SH3RF1: variants seen among roughly 807,000 people sequenced by gnomAD.
SH3RF1 encodes the protein SH3 domain containing ring finger 1.
Under a neutral mutation model 74.0 loss-of-function variants are expected in SH3RF1, and 32 were observed. The observed-to-expected ratio is 0.43, with a 90% confidence interval of 0.33 to 0.58. The LOEUF (loss-of-function observed/expected upper bound fraction) is 0.58, where lower values mean the gene tolerates loss of function less well. Among genes scored for constraint, SH3RF1 ranks in the 20% least tolerant of loss-of-function variants. SH3RF1 has a pLI of 0.05. For missense variants in SH3RF1, 954 were observed against 1,130.9 expected, an observed-to-expected ratio of 0.84 and a Z score of 2.24; for synonymous variants, 396 against 439.6, an observed-to-expected ratio of 0.90 and a Z score of 1.24.
chr4:169,225,712 T>G (rs946406763), intron 2 of SH3RF1, among the ~76,000 whole-genome samples: 3 of 152,038 alleles, frequency 2.0e-5, no homozygotes, highest in Admixed American at 2.0e-4. Context: ...AAAAGGAAAG[T>G]GATAAAAGTG....
intron 2 of SH3RF1, among the ~76,000 whole-genome samples, chr4:169,227,883 C>G (rs771566166): frequency 1.3e-5 from 2 of 152,174 alleles, no homozygotes; most frequent in Non-Finnish European, 2.9e-5. Context: ...TTTTTCAATT[C>G]AGGAAGAGAA....
intron 2 of SH3RF1, among the ~76,000 whole-genome samples, chr4:169,219,509 C>T (rs1362174774): frequency 1.3e-5 from 2 of 152,020 alleles, no homozygotes; most frequent in Non-Finnish European, 2.9e-5. Context: ...AGAGATTATT[C>T]GCTTACAAAA....
At chr4:169,236,848 C>T (rs1363036921) in intron 2 of SH3RF1, among the ~76,000 whole-genome samples, 1 of 152,132 alleles carries the variant, frequency 6.6e-6, no homozygotes, top group Non-Finnish European at 1.5e-5. Flanking sequence ...AAATAATTCA[C>T]TGACAGACAC....
At chr4:169,143,136 G>C (rs1300709862) in intron 4 of SH3RF1, among the ~76,000 whole-genome samples, 1 of 152,200 alleles carries the variant, frequency 6.6e-6, no homozygotes, top group Non-Finnish European at 1.5e-5. Context: ...AGGGAAGGAA[G>C]TGCTGCCTCT....
At chr4:169,257,498 A>AC (rs1731209922) in intron 2 of SH3RF1, among the ~76,000 whole-genome samples, 1 of 152,000 alleles carries the variant, frequency 6.6e-6, no homozygotes, top group African/African-American at 2.4e-5. Context: ...CTCTGTCTAA[A>AC]CCCCTCACTA....
At chr4:169,201,475 C>T (rs1414810619) in intron 2 of SH3RF1, among the ~76,000 whole-genome samples, 1 of 152,138 alleles carries the variant, frequency 6.6e-6, no homozygotes, top group East Asian at 1.9e-4. Flanking sequence ...GTAACAAAAC[C>T]AGGGAGAGTT....
intron 2 of SH3RF1, among the ~76,000 whole-genome samples, chr4:169,173,748 G>T (rs1734369087): frequency 6.6e-6 from 1 of 152,040 alleles, no homozygotes; most frequent in Non-Finnish European, 1.5e-5. Flanking sequence ...CCATTTACAA[G>T]CTACCTTTTT....
chr4:169,248,904 A>G (rs976243906), intron 2 of SH3RF1, among the ~76,000 whole-genome samples: 1 of 152,162 alleles, frequency 6.6e-6, no homozygotes, highest in Non-Finnish European at 1.5e-5. Context: ...GGTGTTGCCA[A>G]TGTGATGGTA....
intron 2 of SH3RF1, among the ~76,000 whole-genome samples, chr4:169,188,105 G>A (rs1734638942): frequency 6.6e-6 from 1 of 151,878 alleles, no homozygotes; most frequent in African/African-American, 2.4e-5. Context: ...TTCAGAGAGT[G>A]CATGGCCCTG....
At chr4:169,117,862 A>T in intron 8 of SH3RF1, 80 bp from the exon 9 acceptor site, 2 of 1,491,306 alleles carry the variant, frequency 1.3e-6, no homozygotes, top group Non-Finnish European at 1.8e-6. Flanking sequence ...AAGAAAAATG[A>T]CTCAGAGCTT....
chr4:169,149,972 G>A (rs764232576), intron 4 of SH3RF1, among the ~76,000 whole-genome samples: 2 of 152,072 alleles, frequency 1.3e-5, no homozygotes, highest in Non-Finnish European at 2.9e-5. Context: ...TTATTCTTTG[G>A]AACACAGACA....
At chr4:169,251,627 G>C (rs1731106817) in intron 2 of SH3RF1, among the ~76,000 whole-genome samples, 1 of 152,164 alleles carries the variant, frequency 6.6e-6, no homozygotes, top group Non-Finnish European at 1.5e-5. Flanking sequence ...CTTATTTTAA[G>C]GATTGTGAGA....
chr4:169,213,975 A>G (rs934447827), intron 2 of SH3RF1, among the ~76,000 whole-genome samples: 1 of 152,214 alleles, frequency 6.6e-6, no homozygotes, highest in African/African-American at 2.4e-5. Context: ...TTCTCCTTCA[A>G]TATTGTGTAG....
intron 2 of SH3RF1, among the ~76,000 whole-genome samples, chr4:169,191,736 C>T (rs768349744): frequency 6.6e-6 from 1 of 151,960 alleles, no homozygotes; most frequent in Non-Finnish European, 1.5e-5. Context: ...AGAAATAAAC[C>T]CAAATCCTTA....
intron 2 of SH3RF1, among the ~76,000 whole-genome samples, chr4:169,230,140 G>A (rs542758979): frequency 1.3e-5 from 2 of 152,294 alleles, no homozygotes; most frequent in East Asian, 3.9e-4. Context: ...AGGGGCGGAG[G>A]CTGCAGTGAG....
chr4:169,201,704 G>A (rs1468886871), intron 2 of SH3RF1: 2 of 152,102 alleles, frequency 1.3e-5, no homozygotes, highest in African/African-American at 4.8e-5. Context: ...AACTTCCTGT[G>A]AAGTCACAGA....
chr4:169,149,195 A>G (rs1579107439), intron 4 of SH3RF1, among the ~76,000 whole-genome samples: 1 of 152,224 alleles, frequency 6.6e-6, no homozygotes, highest in African/African-American at 2.4e-5. Flanking sequence ...AATTAGAAAG[A>G]AGCCTCTGAA....
In SH3RF1 at chr4:169,131,626, T is replaced by C. The variant is rs367823076; in HGVS notation, c.1069-1470A>G. ...TCACGCTGACTTCCCAGAACTAAAC[T>C]GAAAAGAAAACCTTAACTTTCCACG... On this transcript the variant is annotated intron_variant, in intron 5 of 11. Transcript: ENST00000284637. 6.5e-4 allele frequency among the ~76,000 whole-genome samples: 99 copies of C among 152,348 alleles called. No homozygotes were observed. In the South Asian group the frequency reaches 8.1e-3, roughly 12 times the overall value.
chr4:169,242,533 C>A (rs1366794350), intron 2 of SH3RF1, among the ~76,000 whole-genome samples: 2 of 152,158 alleles, frequency 1.3e-5, no homozygotes, highest in South Asian at 4.1e-4. Context: ...TGGGTCCCAG[C>A]TCCAGGAAAT....
Sources: gnomAD v4.1 joint callset for allele counts (sites outside exome capture counted in the v4.1 genomes callset) on GRCh38, gnomAD v4.1.1 for gene constraint, MANE v1.5 for transcripts, NCBI Gene and HGNC (gene_info 2026-07-23, HGNC 2026-07-21) for gene names.